The following RSF1 variants were observed in gnomAD, a reference collection of about 807,000 sequenced individuals.
The protein encoded by RSF1 is remodeling and spacing factor 1.
RSF1 carries 13 observed loss-of-function variants against 145.2 expected under a neutral mutation model. The observed-to-expected ratio is 0.09, with a 90% confidence interval of 0.06 to 0.14. The LOEUF (loss-of-function observed/expected upper bound fraction) is 0.14, where lower values mean the gene tolerates loss of function less well. Ranked by LOEUF, RSF1 falls within the 10% of genes least tolerant of loss-of-function variation. RSF1 has a pLI of 1.00. For missense variants in RSF1, 1,517 were observed against 1,718.2 expected, an observed-to-expected ratio of 0.88 and a Z score of 2.07; for synonymous variants, 577 against 592.6, an observed-to-expected ratio of 0.97 and a Z score of 0.38.
intron 3 of RSF1, among the ~76,000 whole-genome samples, chr11:77,741,684 C>T (rs1173676652): frequency 6.6e-6 from 1 of 152,006 alleles, no homozygotes; most frequent in Non-Finnish European, 1.5e-5. Context: ...CATCTACTAC[C>T]TAAGAATTTT....
At chr11:77,790,236 G>C (rs1340645464) in intron 1 of RSF1, among the ~76,000 whole-genome samples, 1 of 152,174 alleles carries the variant, frequency 6.6e-6, no homozygotes, top group Non-Finnish European at 1.5e-5. Flanking sequence ...GGAGGAGCAA[G>C]TCACATCTTA....
chr11:77,816,060 C>T (rs774868139), intron 1 of RSF1, among the ~76,000 whole-genome samples: 1 of 152,138 alleles, frequency 6.6e-6, no homozygotes, highest in Non-Finnish European at 1.5e-5. Flanking sequence ...TATGACATAT[C>T]GAAAATGGTG....
chr11:77,664,727 CTT>C lies in RSF1; in HGVS notation c.*2188_*2189del, dbSNP rs1369179204. On this transcript the variant is annotated 3_prime_UTR_variant, in exon 16 of 16. Transcript: ENST00000308488. ...CCACTTACCTTGCACTAGTAGAAATCTTTATATTGCTTGCCTGTTTTAGATGG... is the reference window on the plus strand; with the variant it reads ...CCACTTACCTTGCACTAGTAGAAATCTATATTGCTTGCCTGTTTTAGATGG... The C allele has an allele frequency of 6.6e-6, 1 of 152,144 alleles. No homozygotes were observed. The highest frequency in any genetic ancestry group is 2.4e-5 in the African/African-American group (1 of 41,440). The allele number at this position is 152,144 out of a possible 1,614,324, so 9.4% of individuals were successfully genotyped here.
chr11:77,827,101 C>T, the RSF1 span, among the ~76,000 whole-genome samples: 6 of 120,700 alleles, frequency 5.0e-5, no homozygotes, highest in African/African-American at 7.1e-5. Flanking sequence ...CGAAACTCGT[C>T]TCAAAAAAAA....
upstream of RSF1, chr11:77,820,931 C>G (rs1948869972): frequency 1.2e-5 from 7 of 565,698 alleles, no homozygotes; most frequent in Non-Finnish European, 2.2e-5. Context: ...GCCCTCGGCG[C>G]CTTTCACTTT....
chr11:77,794,798 C>T (rs1948555181), intron 1 of RSF1, among the ~76,000 whole-genome samples: 1 of 152,044 alleles, frequency 6.6e-6, no homozygotes, highest in South Asian at 2.1e-4. Context: ...ACAAGAAAGA[C>T]AAGGATGAAT....
intron 3 of RSF1, among the ~76,000 whole-genome samples, chr11:77,746,089 A>G (rs1947996750): frequency 6.6e-6 from 1 of 152,124 alleles, no homozygotes; most frequent in Non-Finnish European, 1.5e-5. Flanking sequence ...ACATTATAGG[A>G]ATGCACAAAA....
chr11:77,726,956 T>G (rs1170191065), intron 4 of RSF1, among the ~76,000 whole-genome samples: 7 of 152,208 alleles, frequency 4.6e-5, no homozygotes, highest in Admixed American at 1.3e-4. Context: ...ATTACTAAAT[T>G]GGTCTTCTAA....
intron 1 of RSF1, among the ~76,000 whole-genome samples, chr11:77,811,844 T>C (rs909813838): frequency 2.6e-5 from 4 of 152,114 alleles, no homozygotes; most frequent in Non-Finnish European, 2.9e-5. Context: ...GGGTAGATGA[T>C]AGTAACATTC....
chr11:77,838,484 A>G, the RSF1 span, among the ~76,000 whole-genome samples: 1 of 152,176 alleles, frequency 6.6e-6, no homozygotes, highest in African/African-American at 2.4e-5. Context: ...TGAGCAGCTT[A>G]CCAGTATTAT....
intron 1 of RSF1, among the ~76,000 whole-genome samples, chr11:77,803,735 G>A (rs925999205): frequency 7.9e-5 from 12 of 151,920 alleles, no homozygotes; most frequent in African/African-American, 1.9e-4. Flanking sequence ...CCAAGAGCAC[G>A]CTACTGCACT....
chr11:77,716,098 A>T (rs1960800861), intron 5 of RSF1, among the ~76,000 whole-genome samples: 1 of 152,170 alleles, frequency 6.6e-6, no homozygotes, highest in Admixed American at 6.5e-5. Flanking sequence ...GGTGGTTATT[A>T]TCAAAGACAA....
At chr11:77,751,305 T>G (rs1036998427) in intron 2 of RSF1, among the ~76,000 whole-genome samples, 1 of 152,138 alleles carries the variant, frequency 6.6e-6, no homozygotes, top group African/African-American at 2.4e-5. Flanking sequence ...GGGTGTGAAA[T>G]GGCTTCTAAG....
rs1382554390 is a variant in RSF1 at position 77,672,171 on chromosome 11, T to C, written c.3622A>G (p.Arg1208Gly). Residue 1208 changes from arginine to glycine, a missense_variant, in exon 15 of 16, where the codon AGG becomes GGG. By Grantham distance (125) the Arg-to-Gly change is moderately radical. Transcript: ENST00000308488. ...DFVETRRRRSRRNQKRQINYK... is the reference protein window; with the variant it reads ...DFVETRRRRSGRNQKRQINYK... ...TTAATTTGTCTTTTCTGATTTCTCCTTGACCGCCTTCGCCGAGTTTCTACA... is the reference window on the plus strand; with the variant it reads ...TTAATTTGTCTTTTCTGATTTCTCCCTGACCGCCTTCGCCGAGTTTCTACA... 2.5e-6 allele frequency: 4 copies of C among 1,613,176 alleles called. No individual in the cohort carries two copies. The highest frequency in any genetic ancestry group is 1.7e-5 in the Admixed American group (1 of 59,842).
chr11:77,736,115 C>A (rs1238755833), intron 4 of RSF1, among the ~76,000 whole-genome samples: 2 of 152,170 alleles, frequency 1.3e-5, no homozygotes, highest in Non-Finnish European at 2.9e-5. Context: ...TAAACTTGCA[C>A]GTTTAATTGA....
chr11:77,780,725 T>A (rs931885135), intron 1 of RSF1, among the ~76,000 whole-genome samples: 10 of 148,948 alleles, frequency 6.7e-5, no homozygotes, highest in African/African-American at 1.7e-4. Context: ...CTCGGGAGGC[T>A]GAAGCAGGAG....
intron 6 of RSF1, among the ~76,000 whole-genome samples, chr11:77,699,584 T>A (rs1960363824): frequency 6.6e-6 from 1 of 152,116 alleles, no homozygotes; most frequent in Non-Finnish European, 1.5e-5. Context: ...AATAACAGGG[T>A]CATAGTTATG....
chr11:77,771,228 G>A (rs1339928975), intron 1 of RSF1, among the ~76,000 whole-genome samples: 1 of 152,174 alleles, frequency 6.6e-6, no homozygotes, highest in Non-Finnish European at 1.5e-5. Flanking sequence ...CTAGTGAAAA[G>A]TTCAAAGACT....
chr11:77,704,786 CTT>C (rs1379784400), intron 5 of RSF1, among the ~76,000 whole-genome samples: 4 of 130,776 alleles, frequency 3.1e-5, no homozygotes, highest in East Asian at 4.7e-4. Context: ...AAGTTTCGCT[CTT>C]GTTGCCCAGG....
Sources: gnomAD v4.1 joint callset for allele counts (sites outside exome capture counted in the v4.1 genomes callset) on GRCh38, gnomAD v4.1.1 for gene constraint, MANE v1.5 for transcripts, NCBI Gene and HGNC (gene_info 2026-07-23, HGNC 2026-07-21) for gene names.